THSD4: variants seen among roughly 807,000 people sequenced by gnomAD.
The protein encoded by THSD4 is thrombospondin type-1 domain-containing protein 4.
In THSD4, 69 loss-of-function variants were observed where a neutral mutation model predicts 119.0. The ratio of observed to expected loss-of-function variants is 0.58; its 90% confidence interval spans 0.48 to 0.71. The LOEUF (loss-of-function observed/expected upper bound fraction) is 0.71. Among genes scored for constraint, THSD4 ranks in the 30% least tolerant of loss-of-function variants. THSD4 has a pLI of 0.00. For synonymous variants in THSD4, 524 were observed against 540.4 expected (o/e 0.97, Z 0.42); for missense variants, 1,393 against 1,391.1 (o/e 1.00, Z -0.02).
At chr15:71,152,939 G>A (rs1469544001) in intron 2 of THSD4, among the ~76,000 whole-genome samples, 1 of 152,144 alleles carries the variant, frequency 6.6e-6, no homozygotes, top group Non-Finnish European at 1.5e-5. Flanking sequence ...AATCTTTGGT[G>A]GAGTCCTTTC....
At chr15:71,644,459 C>G (rs902825902) in intron 7 of THSD4, among the ~76,000 whole-genome samples, 4 of 152,232 alleles carry the variant, frequency 2.6e-5, no homozygotes, top group African/African-American at 7.2e-5. Context: ...GAATTCTAAT[C>G]TTCACCAGCA....
intron 3 of THSD4, among the ~76,000 whole-genome samples, chr15:71,172,706 T>TATATATATATATATATATGTGAC (rs2043389556): frequency 9.0e-6 from 1 of 110,852 alleles, no homozygotes; most frequent in African/African-American, 4.3e-5. Flanking sequence ...TATATATATA[T>TATATATATATATATATATGTGAC]ATATATATAT....
intron 6 of THSD4, among the ~76,000 whole-genome samples, chr15:71,390,406 C>A (rs72761547): frequency 0.22 from 33,630 of 152,122 alleles, 4,683 homozygotes; most frequent in Middle Eastern, 0.39. Flanking sequence ...TTCCTTTACC[C>A]TTTTTTACTT....
intron 7 of THSD4, among the ~76,000 whole-genome samples, chr15:71,639,906 C>T (rs4404023): frequency 0.97 from 147,781 of 151,834 alleles, 72,059 homozygotes; most frequent in East Asian, 1. Flanking sequence ...AATGTTTTTT[C>T]CTTATTCAAA....
At chr15:71,563,364 G>A (rs148606531) in intron 7 of THSD4, among the ~76,000 whole-genome samples, 13 of 152,230 alleles carry the variant, frequency 8.5e-5, no homozygotes, top group East Asian at 5.8e-4. Flanking sequence ...ACTTGGAACC[G>A]TATCTTCTAA....
At chr15:71,107,755 C>G (rs2040280299) in intron 1 of THSD4, among the ~76,000 whole-genome samples, 1 of 152,332 alleles carries the variant, frequency 6.6e-6, no homozygotes, top group South Asian at 2.1e-4. Flanking sequence ...ACCAACTTCT[C>G]TCAGACTGAG....
rs574189659 is a variant in THSD4 at position 71,470,751 on chromosome 15, T to C, written c.1152+58928T>C. Among the ~76,000 whole-genome samples, 5 of 152,092 alleles carry C rather than the reference T, an allele frequency of 3.3e-5. No homozygotes were observed. In the East Asian group the frequency reaches 9.7e-4, roughly 29 times the overall value. Reference sequence around the variant, plus strand: ...CCCGGGTTCACGCCATTCTCCTGCCTCAGCCTCCCGAGTAGCTGGGACTAC... The same window carrying C: ...CCCGGGTTCACGCCATTCTCCTGCCCCAGCCTCCCGAGTAGCTGGGACTAC... On this transcript the variant is annotated intron_variant, in intron 7 of 17. Transcript: ENST00000261862.
At chr15:71,721,393 T>G (rs1430759173) in intron 8 of THSD4, among the ~76,000 whole-genome samples, 1 of 152,104 alleles carries the variant, frequency 6.6e-6, no homozygotes, top group South Asian at 2.1e-4. Flanking sequence ...GTCCAGCTTC[T>G]GCTACTGGGG....
At position 71,335,305 on chromosome 15, in the gene THSD4, G is replaced by A. The variant is rs2045476416; in HGVS notation, c.1016-76382G>A. 2.0e-5 allele frequency among the ~76,000 whole-genome samples: 3 copies of A among 152,238 alleles called. No individual in the cohort carries two copies. In the South Asian group the frequency reaches 6.2e-4, roughly 32 times the overall value. On this transcript the variant is annotated intron_variant, in intron 6 of 17. Transcript: ENST00000261862. ...TTCTTAAATCAGTATTGTGGGCTTT[G>A]AGATGGTATTTCAAGGAAACAGAAT...
chr15:71,340,739 G>A (rs2045555706), intron 6 of THSD4, among the ~76,000 whole-genome samples: 1 of 151,712 alleles, frequency 6.6e-6, no homozygotes, highest in African/African-American at 2.4e-5. Flanking sequence ...CTGAGTAGCT[G>A]AGATTACAGG....
In THSD4 at chr15:71,547,661, G is replaced by T. The variant is rs1039341068; in HGVS notation, c.1153-112869G>T. ...TATGAAGACTTCTTTTCTTCTTGAA[G>T]AATTTTATACTTTCTAAAATGTCAT... is the stretch of plus-strand genomic sequence containing the variant. On this transcript the variant is annotated intron_variant, in intron 7 of 17. Coordinates refer to ENST00000261862, the MANE Select transcript of THSD4 (RefSeq NM_024817.3). 18 of 701,164 alleles carry T rather than the reference G, an allele frequency of 2.6e-5. No homozygotes were observed. The African/African-American group carries it at 3.2e-4, about 12-fold the overall frequency. 43.4% of individuals were successfully genotyped at this position (701,164 alleles called of 1,614,324 possible).
At chr15:71,326,700 A>ATATATATATAT (rs869113340) in intron 6 of THSD4, among the ~76,000 whole-genome samples, 1 of 6,454 alleles carries the variant, frequency 1.5e-4, no homozygotes, top group African/African-American at 3.4e-4. Context: ...AAAAAAAAAA[A>ATATATATATAT]ATATATATAT....
chr15:71,584,989 C>T (rs1464479023), intron 7 of THSD4, among the ~76,000 whole-genome samples: 1 of 152,006 alleles, frequency 6.6e-6, no homozygotes, highest in African/African-American at 2.4e-5. Context: ...TTCTGTTTTC[C>T]ATATTTTATG....
intron 6 of THSD4, among the ~76,000 whole-genome samples, chr15:71,289,387 G>C (rs1368508768): frequency 6.6e-6 from 1 of 152,150 alleles, no homozygotes; most frequent in Non-Finnish European, 1.5e-5. Flanking sequence ...AGTTGCACTG[G>C]ACGCCAAGCA....
chr15:71,447,755 T>G (rs1271583349), intron 7 of THSD4, among the ~76,000 whole-genome samples: 2 of 152,190 alleles, frequency 1.3e-5, no homozygotes, highest in Non-Finnish European at 2.9e-5. Flanking sequence ...ATACTGTTTT[T>G]CTCATGGAAC....
At chr15:71,656,540 T>G (rs1403179273) in intron 7 of THSD4, among the ~76,000 whole-genome samples, 1 of 152,244 alleles carries the variant, frequency 6.6e-6, no homozygotes, top group Non-Finnish European at 1.5e-5. Context: ...GAGTCACTTC[T>G]AGGCCAGGCC....
At chr15:71,654,844 G>C (rs2051158151) in intron 7 of THSD4, among the ~76,000 whole-genome samples, 1 of 152,138 alleles carries the variant, frequency 6.6e-6, no homozygotes, top group Non-Finnish European at 1.5e-5. Context: ...TATCTCATGT[G>C]TTTACTGAGC....
At chr15:71,339,408 C>T (rs1477172314) in intron 6 of THSD4, among the ~76,000 whole-genome samples, 1 of 152,146 alleles carries the variant, frequency 6.6e-6, no homozygotes, top group Non-Finnish European at 1.5e-5. Flanking sequence ...CCCCAACCGT[C>T]ACCTCTGTAC....
intron 8 of THSD4, among the ~76,000 whole-genome samples, chr15:71,705,301 A>G (rs560957366): frequency 3.3e-4 from 50 of 152,276 alleles, no homozygotes; most frequent in Non-Finnish European, 6.0e-4. Flanking sequence ...GTGGAGAGGA[A>G]GAGCAAGGCG....
Sources: allele counts gnomAD v4.1 joint callset (sites outside exome capture counted in the v4.1 genomes callset), GRCh38; gene constraint gnomAD v4.1.1; transcripts MANE v1.5; gene names NCBI Gene and HGNC (gene_info 2026-07-23, HGNC 2026-07-21).